The following ABLIM1 variants were observed in gnomAD, a reference collection of about 807,000 sequenced individuals.
The protein encoded by ABLIM1 is actin binding LIM protein 1, also known as actin-binding LIM protein 1.
Under a neutral mutation model 107.0 loss-of-function variants are expected in ABLIM1, and 40 were observed. The ratio of observed to expected loss-of-function variants is 0.37; its 90% confidence interval spans 0.29 to 0.49. The LOEUF is 0.49. Among genes scored for constraint, ABLIM1 ranks in the 20% least tolerant of loss-of-function variants. The pLI is 0.97. For missense variants in ABLIM1, 857 were observed against 1,008.5 expected (o/e 0.85, Z 2.04); for synonymous variants, 357 against 357.3 (o/e 1.00, Z 0.01).
chr10:114,725,379 T>C (rs1011554439), intron 1 of ABLIM1, among the ~76,000 whole-genome samples: 1 of 152,160 alleles, frequency 6.6e-6, no homozygotes, highest in Non-Finnish European at 1.5e-5. Flanking sequence ...GGAGCTGGGT[T>C]TTATAAAATG....
At chr10:114,726,081 G>C (rs2081953039) in intron 1 of ABLIM1, among the ~76,000 whole-genome samples, 1 of 152,028 alleles carries the variant, frequency 6.6e-6, no homozygotes, top group Admixed American at 6.6e-5. Context: ...ATTTTTAAAA[G>C]CGTTTCCATA....
chr10:114,714,613 G>A (rs550248720), intron 1 of ABLIM1, among the ~76,000 whole-genome samples: 13 of 152,272 alleles, frequency 8.5e-5, no homozygotes, highest in African/African-American at 2.2e-4. Context: ...GCCTGTAACC[G>A]GAGCAGGCAA....
chr10:114,694,560 CA>C (rs1173762248), intron 1 of ABLIM1, among the ~76,000 whole-genome samples: 1 of 152,136 alleles, frequency 6.6e-6, no homozygotes, highest in African/African-American at 2.4e-5. Flanking sequence ...TACGTATCTC[CA>C]TATTCTCACC....
chr10:114,484,000 T>C (rs2057788895), intron 8 of ABLIM1, among the ~76,000 whole-genome samples: 1 of 152,192 alleles, frequency 6.6e-6, no homozygotes, highest in Admixed American at 6.5e-5. Flanking sequence ...CCCTGCAGGA[T>C]GCCCCGGGCA....
chr10:114,568,408 T>A (rs1239284678), intron 4 of ABLIM1, among the ~76,000 whole-genome samples: 2 of 152,150 alleles, frequency 1.3e-5, no homozygotes, highest in African/African-American at 4.8e-5. Context: ...ACATTAAAAA[T>A]TTTTAAAAAG....
chr10:114,573,482 T>G (rs533305777), intron 3 of ABLIM1, among the ~76,000 whole-genome samples: 29 of 152,216 alleles, frequency 1.9e-4, no homozygotes, highest in African/African-American at 5.3e-4. Context: ...TAATAAATCG[T>G]TTTTTATCAT....
intron 1 of ABLIM1, among the ~76,000 whole-genome samples, chr10:114,651,595 A>T (rs1049887524): frequency 2.0e-5 from 3 of 152,182 alleles, no homozygotes; most frequent in African/African-American, 7.2e-5. Context: ...CTTAACCGTC[A>T]AGAGCTTGAA....
At position 114,436,372 on chromosome 10, in the gene ABLIM1, C is replaced by T. The variant is rs779527075; in HGVS notation, c.2225G>A (p.Arg742His). Residue 742 changes from arginine to histidine, a missense_variant and splice_region_variant, in exon 23 of 23, where the codon CGC becomes CAC. Physicochemically the swap from Arg to His is conservative, Grantham distance 29. This residue lies in a region of ABLIM1 where 193 missense variants were observed against 208.5 expected (regional missense o/e 0.93). Transcript: ENST00000533213. ...CCGAAACACTTCAGGGGCTAAGTGG[C>T]GCTGGGAAGAAGAAAAAAAAAAAAG... ...LREVDRTRLE[R>H]HLAPEVFREI... 32 of 1,598,776 alleles carry T rather than the reference C, an allele frequency of 2.0e-5. No homozygotes were observed. Among genetic ancestry groups the T allele is most frequent in the African/African-American group, 1.1e-4 (8 of 73,202 alleles).
At chr10:114,509,754 G>A (rs1247436482) in intron 6 of ABLIM1, among the ~76,000 whole-genome samples, 4 of 152,074 alleles carry the variant, frequency 2.6e-5, no homozygotes, top group Admixed American at 6.5e-5. Flanking sequence ...TGGGCTCTGC[G>A]TCAGCCTCAA....
chr10:114,562,073 C>G (rs955140702), intron 4 of ABLIM1, among the ~76,000 whole-genome samples: 3 of 152,184 alleles, frequency 2.0e-5, no homozygotes, highest in African/African-American at 7.2e-5. Flanking sequence ...CCTCTCAACA[C>G]CTCTCTCAAT....
chr10:114,541,353 G>C (rs1468329941), intron 6 of ABLIM1, among the ~76,000 whole-genome samples: 1 of 152,026 alleles, frequency 6.6e-6, no homozygotes, highest in Non-Finnish European at 1.5e-5. Context: ...CATTTGTAAA[G>C]GGATAAAATA....
At chr10:114,671,172 C>T (rs2080238491) in intron 1 of ABLIM1, among the ~76,000 whole-genome samples, 1 of 152,216 alleles carries the variant, frequency 6.6e-6, no homozygotes, top group South Asian at 2.1e-4. Context: ...GAACTTCATG[C>T]ATGATTCATG....
intron 1 of ABLIM1, among the ~76,000 whole-genome samples, chr10:114,765,567 T>C (rs2082872526): frequency 6.6e-6 from 1 of 152,202 alleles, no homozygotes; most frequent in Non-Finnish European, 1.5e-5. Context: ...CAAGAGCAGA[T>C]GACTGAATTG....
At chr10:114,717,378 CT>C (rs2081694069) in intron 1 of ABLIM1, among the ~76,000 whole-genome samples, 1 of 152,182 alleles carries the variant, frequency 6.6e-6, no homozygotes, top group Admixed American at 6.5e-5. Flanking sequence ...GAACACTGGA[CT>C]AACCTGTCAG....
At chr10:114,538,937 C>T (rs528224345) in intron 6 of ABLIM1, among the ~76,000 whole-genome samples, 3 of 152,358 alleles carry the variant, frequency 2.0e-5, no homozygotes, top group African/African-American at 7.2e-5. Context: ...GTAAAACAGC[C>T]CAAGACTAGG....
At chr10:114,518,030 T>C (rs1332833675) in intron 6 of ABLIM1, among the ~76,000 whole-genome samples, 1 of 152,184 alleles carries the variant, frequency 6.6e-6, no homozygotes, top group Non-Finnish European at 1.5e-5. Context: ...TACCACTATG[T>C]GGTCATTAAA....
In ABLIM1 at chr10:114,490,692, T is replaced by C. The variant is rs182349519; in HGVS notation, c.982+1099A>G. Among the ~76,000 whole-genome samples, 484 of 152,094 alleles carry C rather than the reference T, an allele frequency of 3.2e-3. 1 individual carries two copies. The highest frequency in any genetic ancestry group is 0.011 in the African/African-American group (474 of 41,502). On this transcript the variant is annotated intron_variant, in intron 7 of 22. Transcript: ENST00000533213. ...TAGAAGAGAATCCTCTCTCAAAGCC[T>C]CTCTGAGAAGTTCCAGAATTTCAGA...
intron 6 of ABLIM1, among the ~76,000 whole-genome samples, chr10:114,493,166 T>C (rs1227091046): frequency 6.6e-6 from 1 of 152,140 alleles, no homozygotes; most frequent in Non-Finnish European, 1.5e-5. Context: ...CTGTAGGACA[T>C]CTGAAGTCAA....
chr10:114,738,696 G>T (rs1040825765), intron 1 of ABLIM1, among the ~76,000 whole-genome samples: 2 of 152,040 alleles, frequency 1.3e-5, no homozygotes, highest in Non-Finnish European at 2.9e-5. Flanking sequence ...TAGTTTTACT[G>T]TGCCTCAAAA....
Sources: gnomAD v4.1 joint callset for allele counts (sites outside exome capture counted in the v4.1 genomes callset) on GRCh38, gnomAD v4.1.1 for gene constraint, gnomAD v4.1.1 regional missense constraint, MANE v1.5 for transcripts, NCBI Gene and HGNC (gene_info 2026-07-23, HGNC 2026-07-21) for gene names.